FAM13B: variants seen among roughly 807,000 people sequenced by gnomAD.
FAM13B encodes the protein family with sequence similarity 13 member B, also known as protein FAM13B.
A neutral mutation model predicts 117.3 loss-of-function variants in FAM13B; 60 were observed. That is an observed-to-expected ratio of 0.51 (90% CI 0.42 to 0.63). The LOEUF (loss-of-function observed/expected upper bound fraction) is 0.63, where lower values mean the gene tolerates loss of function less well. Among genes scored for constraint, FAM13B ranks in the 30% least tolerant of loss-of-function variants. The probability of loss-of-function intolerance (pLI) is 0.00; values close to 1 mark genes in which losing one functional copy is unlikely to be tolerated. For missense variants in FAM13B, 972 were observed against 1,091.9 expected (o/e 0.89, Z 1.55); for synonymous variants, 332 against 356.1 (o/e 0.93, Z 0.76).
chr5:137,988,405 G>A (rs1777773440), intron 7 of FAM13B, 90 bp from the exon 8 acceptor site: 2 of 949,422 alleles, frequency 2.1e-6, no homozygotes, highest in African/African-American at 3.5e-5. Context: ...GCACTACCTT[G>A]ACACAACCAG....
chr5:138,013,943 A>G (rs1288641838), intron 4 of FAM13B, among the ~76,000 whole-genome samples: 1 of 151,956 alleles, frequency 6.6e-6, no homozygotes, highest in Non-Finnish European at 1.5e-5. Context: ...GTGAGCGCAG[A>G]GATATTTTTT....
At chr5:137,989,587 G>A (rs1484798176) in intron 7 of FAM13B, among the ~76,000 whole-genome samples, 1 of 152,156 alleles carries the variant, frequency 6.6e-6, no homozygotes, top group Non-Finnish European at 1.5e-5. Flanking sequence ...CACTTTGGGA[G>A]ACCGAAGCTG....
intron 10 of FAM13B, among the ~76,000 whole-genome samples, chr5:137,976,159 G>C (rs1773926586): frequency 6.6e-6 from 1 of 151,930 alleles, no homozygotes; most frequent in Non-Finnish European, 1.5e-5. Flanking sequence ...GTTTCACCAT[G>C]TTAGCCAGGA....
At chr5:137,967,981 T>C (rs1012431301) in intron 10 of FAM13B, among the ~76,000 whole-genome samples, 3 of 151,990 alleles carry the variant, frequency 2.0e-5, no homozygotes, top group African/African-American at 7.3e-5. Flanking sequence ...CCCAGCACTT[T>C]TGGAGGCTGA....
At position 137,955,398 on chromosome 5, in the gene FAM13B, T is replaced by C. The variant is rs550566355; in HGVS notation, c.1508-1022A>G. 6.6e-4 allele frequency among the ~76,000 whole-genome samples: 100 copies of C among 152,344 alleles called. 1 individual carries two copies. Among genetic ancestry groups the C allele is most frequent in the African/African-American group, 2.3e-3 (94 of 41,588 alleles). ...TTTTAATAATACCCAACAGTGTTAC[T>C]AAGACAAAACTTAATAGCACTAGGC... is the stretch of plus-strand genomic sequence containing the variant. On this transcript the variant is annotated intron_variant, in intron 14 of 23. Transcript: ENST00000689681.
chr5:137,950,585 G>A (rs1427199218), intron 17 of FAM13B, among the ~76,000 whole-genome samples: 1 of 152,124 alleles, frequency 6.6e-6, no homozygotes, highest in African/African-American at 2.4e-5. Flanking sequence ...CCTGGCTGGA[G>A]TACAGTGGCA....
At chr5:137,992,654 T>C (rs775297016) in intron 7 of FAM13B, among the ~76,000 whole-genome samples, 1 of 152,088 alleles carries the variant, frequency 6.6e-6, no homozygotes, top group African/African-American at 2.4e-5. Flanking sequence ...AAAGTAGGAA[T>C]CAGCCAAAAC....
intron 11 of FAM13B, 37 bp from the exon 12 acceptor site, chr5:137,960,251 TA>T: frequency 8.4e-7 from 1 of 1,189,886 alleles, no homozygotes; most frequent in Non-Finnish European, 1.2e-6. Flanking sequence ...ATATTAAGAA[TA>T]AAAAGGCTAC....
chr5:138,036,570 G>A (rs1394654268), upstream of FAM13B: 1 of 456,644 alleles, frequency 2.2e-6, no homozygotes, highest in African/African-American at 2.0e-5. Flanking sequence ...GCAGGCACCT[G>A]TGGTAAGAAT....
chr5:137,989,942 G>C (rs1430297650), intron 7 of FAM13B, among the ~76,000 whole-genome samples: 1 of 152,160 alleles, frequency 6.6e-6, no homozygotes, highest in African/African-American at 2.4e-5. Context: ...GCCATCATCA[G>C]TTTATTTCTA....
chr5:137,943,661 C>G (rs1762525751), intron 20 of FAM13B, among the ~76,000 whole-genome samples: 1 of 152,096 alleles, frequency 6.6e-6, no homozygotes, highest in Admixed American at 6.5e-5. Context: ...AGGGGAATTG[C>G]TTGAACCCCA....
chr5:137,995,693 T>C (rs1033870322), intron 7 of FAM13B, among the ~76,000 whole-genome samples: 1 of 152,208 alleles, frequency 6.6e-6, no homozygotes, highest in Non-Finnish European at 1.5e-5. Flanking sequence ...TTTATACCTA[T>C]GACAAGAGTA....
At chr5:137,940,604 A>C (rs1413345519) in intron 23 of FAM13B, 7 of 343,148 alleles carry the variant, frequency 2.0e-5, no homozygotes, top group Admixed American at 1.8e-4. Context: ...ACTGGAGGAA[A>C]CCCAGTATTT....
chr5:137,986,376 T>C (rs562423528), intron 9 of FAM13B, among the ~76,000 whole-genome samples: 242 of 151,934 alleles, frequency 1.6e-3, no homozygotes, highest in African/African-American at 4.0e-3. Context: ...TCTTTTTTTT[T>C]CCTTTACCTT....
At chr5:137,971,974 C>T (rs1342506089) in intron 10 of FAM13B, among the ~76,000 whole-genome samples, 8 of 150,698 alleles carry the variant, frequency 5.3e-5, no homozygotes, top group Non-Finnish European at 1.2e-4. Context: ...TAATCAATAG[C>T]TTACCAACCA....
At chr5:138,011,237 A>G in intron 5 of FAM13B, 88 bp from the exon 6 acceptor site, 5 of 1,229,758 alleles carry the variant, frequency 4.1e-6, no homozygotes, top group Non-Finnish European at 4.6e-6. Flanking sequence ...CTTTATGAAC[A>G]TGGGCAATTT....
intron 10 of FAM13B, among the ~76,000 whole-genome samples, chr5:137,979,960 G>A (rs1164133871): frequency 1.4e-5 from 2 of 142,930 alleles, no homozygotes; most frequent in Non-Finnish European, 3.0e-5. Context: ...TCAGGAGTTT[G>A]AGACTAGCCT....
intron 7 of FAM13B, among the ~76,000 whole-genome samples, chr5:137,994,068 T>C (rs773002822): frequency 3.3e-5 from 5 of 152,122 alleles, no homozygotes; most frequent in Non-Finnish European, 7.4e-5. Context: ...GATCACAAGG[T>C]AGTTGATCTT....
intron 10 of FAM13B, among the ~76,000 whole-genome samples, chr5:137,969,427 C>T (rs1771286101): frequency 1.3e-5 from 2 of 152,194 alleles, no homozygotes; most frequent in South Asian, 4.1e-4. Flanking sequence ...AACTAACAAA[C>T]AGAAAGGACA....
Sources: gnomAD v4.1 joint callset for allele counts (sites outside exome capture counted in the v4.1 genomes callset) on GRCh38, gnomAD v4.1.1 for gene constraint, MANE v1.5 for transcripts, NCBI Gene and HGNC (gene_info 2026-07-23, HGNC 2026-07-21) for gene names.